Variants in NEU3 observed in about 807,000 individuals in gnomAD.
The protein encoded by NEU3 is neuraminidase 3.
NEU3 carries 10 observed loss-of-function variants against 11.4 expected under a neutral mutation model. The ratio of observed to expected loss-of-function variants is 0.88; its 90% CI spans 0.54 to 1.49. NEU3 has a LOEUF of 1.49. NEU3 is among the 40% of genes most tolerant of loss of function. The probability of loss-of-function intolerance (pLI) is 0.00; values close to 1 mark genes in which losing one functional copy is unlikely to be tolerated. For synonymous variants in NEU3, 212 were observed against 228.2 expected, an observed-to-expected ratio of 0.93 and a Z score of 0.64; for missense variants, 529 against 581.8, an observed-to-expected ratio of 0.91 and a Z score of 0.93.
intron 2 of NEU3, among the ~76,000 whole-genome samples, chr11:74,997,299 T>C (rs923660675): frequency 6.6e-6 from 1 of 152,244 alleles, no homozygotes; most frequent in African/African-American, 2.4e-5. Flanking sequence ...CGGAGACAGC[T>C]TCTTGCCTTA....
downstream of NEU3, among the ~76,000 whole-genome samples, chr11:75,015,502 C>T (rs1326180635): frequency 6.6e-6 from 1 of 152,134 alleles, no homozygotes; most frequent in African/African-American, 2.4e-5. Context: ...CCTGGCCCCA[C>T]CCACTGCCCC....
upstream of NEU3, chr11:74,988,771 C>T (rs868404359): frequency 1.3e-5 from 6 of 450,058 alleles, no homozygotes; most frequent in Non-Finnish European, 2.3e-5. Flanking sequence ...GAGGTGGTGC[C>T]GGTCCCACGC....
chr11:74,988,411 G>C (rs1178037939), upstream of NEU3: 1 of 152,540 alleles, frequency 6.6e-6, no homozygotes, highest in Non-Finnish European at 1.5e-5. Context: ...CTGGGGAGAG[G>C]GGGGCTTAAA....
chr11:74,989,888 G>GT, intron 1 of NEU3: 1 of 684,070 alleles, frequency 1.5e-6, no homozygotes, highest in Non-Finnish European at 2.7e-6. Flanking sequence ...CGAGCAGCAA[G>GT]TAATCATTTG....
downstream of NEU3, among the ~76,000 whole-genome samples, chr11:75,014,125 G>A (rs960732815): frequency 2.6e-5 from 4 of 152,186 alleles, no homozygotes; most frequent in African/African-American, 7.2e-5. Context: ...GACCTAGCTG[G>A]AGATTATTTT....
intron 1 of NEU3, among the ~76,000 whole-genome samples, chr11:74,991,954 GT>G (rs1391707104): frequency 3.3e-5 from 5 of 152,216 alleles, no homozygotes; most frequent in African/African-American, 1.2e-4. Context: ...CTTCCATTTT[GT>G]GGTATGTATT....
upstream of NEU3, chr11:74,988,461 G>C (rs1948691795): frequency 6.6e-6 from 1 of 152,384 alleles, no homozygotes; most frequent in South Asian, 2.1e-4. Flanking sequence ...TCAGTGCTAT[G>C]TGACAAATCT....
upstream of NEU3, among the ~76,000 whole-genome samples, chr11:74,987,436 A>G (rs1167785558): frequency 2.6e-5 from 4 of 152,066 alleles, no homozygotes; most frequent in African/African-American, 7.2e-5. Context: ...TTCTAGGCTA[A>G]TCTTATAAAT....
At chr11:75,000,429 C>T (rs952533595) in intron 2 of NEU3, among the ~76,000 whole-genome samples, 7 of 152,108 alleles carry the variant, frequency 4.6e-5, no homozygotes, top group Admixed American at 1.3e-4. Flanking sequence ...AATCTACTTT[C>T]TGTTTCTATA....
At chr11:75,013,236 G>A (rs1376376568), downstream of NEU3, among the ~76,000 whole-genome samples, 1 of 152,178 alleles carries the variant, frequency 6.6e-6, no homozygotes, top group Non-Finnish European at 1.5e-5. Flanking sequence ...CACAACCCTT[G>A]CCCAGCCCCC....
chr11:74,999,837 A>C (rs762912457), intron 2 of NEU3, among the ~76,000 whole-genome samples: 10 of 152,196 alleles, frequency 6.6e-5, no homozygotes, highest in Non-Finnish European at 1.3e-4. Flanking sequence ...TTTTCAGAGA[A>C]CTACTCTCTG....
At chr11:74,997,927 A>G (rs572760500) in intron 2 of NEU3, among the ~76,000 whole-genome samples, 2 of 152,296 alleles carry the variant, frequency 1.3e-5, no homozygotes, top group African/African-American at 4.8e-5. Flanking sequence ...AGGCCTAGCT[A>G]TCGGCCTGTC....
intron 1 of NEU3, among the ~76,000 whole-genome samples, chr11:74,990,787 G>C (rs1441540496): frequency 1.3e-5 from 2 of 152,174 alleles, no homozygotes; most frequent in Non-Finnish European, 2.9e-5. Context: ...AGTAGTGTTG[G>C]TTTAACTTGT....
chr11:74,994,847 A>C (rs778685689), intron 2 of NEU3, 127 bp downstream of exon 2: 2 of 865,856 alleles, frequency 2.3e-6, no homozygotes, highest in African/African-American at 3.3e-5. Flanking sequence ...GGCAGAAAAA[A>C]CAGCAAAAAC....
At chr11:74,984,991 G>T (rs1448978150), upstream of NEU3, among the ~76,000 whole-genome samples, 1 of 152,190 alleles carries the variant, frequency 6.6e-6, no homozygotes, top group East Asian at 1.9e-4. Context: ...AGTGGGAAGA[G>T]AGGATTGGAG....
chr11:75,001,491 C>T (rs746524771), intron 2 of NEU3, among the ~76,000 whole-genome samples: 61 of 151,950 alleles, frequency 4.0e-4, no homozygotes, highest in Non-Finnish European at 8.1e-4. Context: ...CCATGTTGGC[C>T]AGGCTGGTCT....
At position 75,004,403 on chromosome 11, in the gene NEU3, A is replaced by G. The variant is rs547597796; in HGVS notation, c.307-1010A>G. On this transcript the variant is annotated intron_variant, in intron 2 of 2. Transcript: ENST00000294064. ...ACAGCATGAGCCACTGTGCCTGGCC[A>G]TTGTCAGTTTCGTTTTAATTTGCAT... 61 of 496,784 alleles carry G rather than the reference A, an allele frequency of 1.2e-4. No homozygotes were observed. The South Asian group carries it at 1.9e-3, about 15-fold the overall frequency. The allele number at this position is 496,784 out of a possible 1,614,324, so 30.8% of individuals were successfully genotyped here.
chr11:75,020,207 T>C (rs1271951593), downstream of NEU3, among the ~76,000 whole-genome samples: 3 of 152,184 alleles, frequency 2.0e-5, no homozygotes, highest in African/African-American at 7.2e-5. Flanking sequence ...CTGCTTTTAA[T>C]TTTACAGGCT....
At chr11:75,011,015 A>G (rs529576492), downstream of NEU3, 1 of 152,128 alleles carries the variant, frequency 6.6e-6, no homozygotes, top group Non-Finnish European at 1.5e-5. Context: ...GGTTTTTCAT[A>G]AGAACTTTTA....
Sources: allele counts gnomAD v4.1 joint callset (sites outside exome capture counted in the v4.1 genomes callset), GRCh38; gene constraint gnomAD v4.1.1; transcripts MANE v1.5; gene names NCBI Gene and HGNC (gene_info 2026-07-23, HGNC 2026-07-21).